The following SLC4A7 variants were observed in gnomAD, a reference collection of about 807,000 sequenced individuals.
SLC4A7 encodes the protein sodium bicarbonate cotransporter 3.
Under a neutral mutation model 137.6 loss-of-function variants are expected in SLC4A7, and 51 were observed. The ratio of observed to expected loss-of-function variants is 0.37; its 90% CI spans 0.30 to 0.47. The LOEUF (loss-of-function observed/expected upper bound fraction) is 0.47, where lower values mean the gene tolerates loss of function less well. Among genes scored for constraint, SLC4A7 ranks in the 20% least tolerant of loss-of-function variants. SLC4A7 has a pLI of 1.00. For missense variants in SLC4A7, 1,247 were observed against 1,525.4 expected, an observed-to-expected ratio of 0.82 and a Z score of 3.04; for synonymous variants, 542 against 518.6, an observed-to-expected ratio of 1.05 and a Z score of -0.61.
At chr3:27,473,781 G>A (rs1399074023) in intron 1 of SLC4A7, among the ~76,000 whole-genome samples, 2 of 148,992 alleles carry the variant, frequency 1.3e-5, no homozygotes, top group East Asian at 2.0e-4. Flanking sequence ...AGTTATTCTC[G>A]AAATTTGTGA....
intron 3 of SLC4A7, among the ~76,000 whole-genome samples, chr3:27,440,557 G>A (rs181617818): frequency 2.0e-3 from 298 of 151,844 alleles, no homozygotes; most frequent in Non-Finnish European, 2.9e-3. Context: ...GTGAAACCCC[G>A]TCTCTATGAA....
chr3:27,414,953 A>G (rs2054242325), intron 11 of SLC4A7, among the ~76,000 whole-genome samples: 1 of 152,212 alleles, frequency 6.6e-6, no homozygotes, highest in African/African-American at 2.4e-5. Context: ...TTCAGGCTCG[A>G]TAACGTTCCT....
chr3:27,441,540 G>A (rs186581038), intron 3 of SLC4A7, among the ~76,000 whole-genome samples: 2 of 152,134 alleles, frequency 1.3e-5, no homozygotes, highest in Non-Finnish European at 2.9e-5. Context: ...TGCCCAGGCT[G>A]GAAGTGTAGT....
chr3:27,404,799 C>T (rs1044633133), intron 14 of SLC4A7, 31 bp downstream of exon 14: 12 of 1,506,356 alleles, frequency 8.0e-6, no homozygotes, highest in Admixed American at 6.4e-5. Flanking sequence ...ATATATAACA[C>T]ATGTGATAAG....
chr3:27,436,693 G>A, intron 4 of SLC4A7, 145 bp from the exon 5 acceptor site: 2 of 546,556 alleles, frequency 3.7e-6, no homozygotes, highest in Non-Finnish European at 6.1e-6. Context: ...CACAAATTAG[G>A]TTAATGGTCT....
chr3:27,443,712 T>C (rs1275745923), intron 3 of SLC4A7, among the ~76,000 whole-genome samples: 1 of 152,228 alleles, frequency 6.6e-6, no homozygotes, highest in African/African-American at 2.4e-5. Context: ...GTCCTCACTC[T>C]GCACAGTACC....
rs2049788739 is a variant in SLC4A7 at position 27,374,777 on chromosome 3, C to T, written c.*1987G>A. The T allele has an allele frequency of 6.6e-6, 1 of 152,392 alleles. No individual in the cohort carries two copies. The highest frequency in any genetic ancestry group is 6.6e-5 in the Admixed American group (1 of 15,252). 9.4% of individuals were successfully genotyped at this position (152,392 alleles called of 1,614,324 possible). On this transcript the variant is annotated 3_prime_UTR_variant, in exon 26 of 26. Transcript: ENST00000454389. ...CTGTAAAGTAAGTACAGTTGTTACC[C>T]CTGATGTCCAGACACAAGGAAATGA...
chr3:27,465,665 CTG>C (rs893164533), intron 1 of SLC4A7, among the ~76,000 whole-genome samples: 1 of 151,956 alleles, frequency 6.6e-6, no homozygotes, highest in African/African-American at 2.4e-5. Context: ...AGGTAGAAAA[CTG>C]TACAGGAATT....
chr3:27,466,434 A>G (rs1405045183), intron 1 of SLC4A7, among the ~76,000 whole-genome samples: 6 of 149,838 alleles, frequency 4.0e-5, no homozygotes, highest in Non-Finnish European at 8.9e-5. Flanking sequence ...CCTGGGCGAC[A>G]GCGAGACTCC....
intron 10 of SLC4A7, among the ~76,000 whole-genome samples, chr3:27,419,991 A>AT (rs992060453): frequency 1.3e-5 from 2 of 151,966 alleles, no homozygotes; most frequent in African/African-American, 4.8e-5. Flanking sequence ...GATTGAGACC[A>AT]TCCTGGCCAA....
At chr3:27,421,295 C>T (rs538707159) in intron 9 of SLC4A7, among the ~76,000 whole-genome samples, 22 of 151,870 alleles carry the variant, frequency 1.4e-4, no homozygotes, top group African/African-American at 5.1e-4. Context: ...AGTAGGAGTT[C>T]GAGACCAGAT....
chr3:27,422,247 A>G (rs539689698), intron 8 of SLC4A7, among the ~76,000 whole-genome samples: 8 of 152,306 alleles, frequency 5.3e-5, no homozygotes, highest in Middle Eastern at 3.4e-3. Context: ...ATTAACTGGA[A>G]AAAAAATCAT....
intron 7 of SLC4A7, among the ~76,000 whole-genome samples, chr3:27,425,533 T>C (rs1403487608): frequency 7.5e-6 from 1 of 132,894 alleles, no homozygotes; most frequent in Non-Finnish European, 1.6e-5. Flanking sequence ...AAAATTAGCC[T>C]GGCGTGGTGG....
At chr3:27,472,035 A>C (rs1280067291) in intron 1 of SLC4A7, among the ~76,000 whole-genome samples, 1 of 152,108 alleles carries the variant, frequency 6.6e-6, no homozygotes, top group Non-Finnish European at 1.5e-5. Flanking sequence ...GCCATCCCCC[A>C]TCATCTGAAA....
rs12491265 is a variant in SLC4A7, at chr3:27,422,801, C to T, written c.1267-1022G>A. 3.0e-3 allele frequency: 1,385 copies of T among 456,196 alleles called. 24 individuals carry two copies. Among genetic ancestry groups the T allele is most frequent in the African/African-American group, 0.025 (1,268 of 50,160 alleles). 28.3% of individuals were successfully genotyped at this position (456,196 alleles called of 1,614,324 possible). A position where few individuals can be genotyped will look rare whatever the true frequency, so the allele number is the denominator to read the frequency against. ...CTTACAGCGGGCCTCTTGAGTCCCACACCCAGTGTGCCACAACTACAGTGC... is the reference window on the plus strand; with the variant it reads ...CTTACAGCGGGCCTCTTGAGTCCCATACCCAGTGTGCCACAACTACAGTGC... On this transcript the variant is annotated intron_variant, in intron 8 of 25. Coordinates refer to ENST00000454389, the MANE Select transcript of SLC4A7 (RefSeq NM_001321103.2).
chr3:27,410,073 C>G (rs977565854), intron 12 of SLC4A7, among the ~76,000 whole-genome samples: 2 of 152,122 alleles, frequency 1.3e-5, no homozygotes, highest in Non-Finnish European at 2.9e-5. Context: ...AAAGAAATCC[C>G]TAAAAACTAT....
Position 27,431,464 on chromosome 3 carries a change from C to T in SLC4A7, c.984G>A (p.Leu328=). Residue 328 remains leucine (L), a synonymous_variant, in exon 7 of 26, where the codon CTG becomes CTA. Transcript: ENST00000454389. The part of the protein sequence containing the change: ...SPPSSPSISR[L]TSRSSQESQR... ...GACTCTCTTGGGAACTTCTGGAGGT[C>T]AGGCGGCTGATGCTAGGGCTAGAAG... The T allele has an allele frequency of 6.2e-7, 1 of 1,614,040 alleles. No individual in the cohort carries two copies. Among genetic ancestry groups the T allele is most frequent in the South Asian group, 1.1e-5 (1 of 91,052 alleles).
intron 1 of SLC4A7, among the ~76,000 whole-genome samples, chr3:27,452,744 T>C (rs1239497080): frequency 6.6e-6 from 1 of 152,190 alleles, no homozygotes; most frequent in Non-Finnish European, 1.5e-5. Context: ...TCCATGCAAA[T>C]TACCAAATAA....
chr3:27,409,601 G>T, intron 12 of SLC4A7, 71 bp from the exon 13 acceptor site: 4 of 1,255,882 alleles, frequency 3.2e-6, no homozygotes, highest in South Asian at 1.6e-5. Flanking sequence ...TAAAACTATG[G>T]GCTACACAAA....
Sources: allele counts gnomAD v4.1 joint callset (sites outside exome capture counted in the v4.1 genomes callset), GRCh38; gene constraint gnomAD v4.1.1; transcripts MANE v1.5; gene names NCBI Gene and HGNC (gene_info 2026-07-23, HGNC 2026-07-21).